Variants in CSPP1 observed in about 807,000 individuals in gnomAD.
CSPP1 encodes centrosome and spindle pole-associated protein 1.
Under a neutral mutation model 164.4 loss-of-function variants are expected in CSPP1, and 126 were observed. The ratio of observed to expected loss-of-function variants is 0.77; its 90% confidence interval spans 0.66 to 0.89. The LOEUF (loss-of-function observed/expected upper bound fraction) is 0.89. Ranked by LOEUF, CSPP1 falls within the 40% of genes least tolerant of loss-of-function variation. CSPP1 has a pLI of 0.00. For missense variants in CSPP1, 1,395 were observed against 1,449.8 expected, an observed-to-expected ratio of 0.96 and a Z score of 0.61; for synonymous variants, 472 against 476.7, an observed-to-expected ratio of 0.99 and a Z score of 0.13.
chr8:67,064,397 T>G lies in CSPP1; in HGVS notation c.-152T>G. 1 of 1,613,270 alleles carries G rather than the reference T, an allele frequency of 6.2e-7. No homozygotes were observed. Among genetic ancestry groups the G allele is most frequent in the Non-Finnish European group, 8.5e-7 (1 of 1,179,748 alleles). On this transcript the variant is annotated 5_prime_UTR_variant, in exon 1 of 31. Coordinates refer to ENST00000678616, the MANE Select transcript of CSPP1 (RefSeq NM_001382391.1). ...GGCGGAGCCCCGGCCCGGAGGTCTGTCATGCTGTTCCCGCTCCAGGTGGCC... is the reference window on the plus strand; with the variant it reads ...GGCGGAGCCCCGGCCCGGAGGTCTGGCATGCTGTTCCCGCTCCAGGTGGCC...
chr8:67,175,951 A>G (rs73693129), intron 26 of CSPP1, among the ~76,000 whole-genome samples: 12,655 of 152,278 alleles, frequency 0.083, 1,072 homozygotes, highest in African/African-American at 0.22. Flanking sequence ...GTACTGGCCT[A>G]TATCCAGGGG....
chr8:67,091,286 T>G (rs1811557850), intron 4 of CSPP1, among the ~76,000 whole-genome samples: 1 of 152,244 alleles, frequency 6.6e-6, no homozygotes, highest in Non-Finnish European at 1.5e-5. Flanking sequence ...ACTGCATTAC[T>G]TAAATGCTTA....
chr8:67,079,321 A>G (rs1808642545), intron 3 of CSPP1, among the ~76,000 whole-genome samples: 1 of 152,220 alleles, frequency 6.6e-6, no homozygotes, highest in Admixed American at 6.5e-5. Context: ...AATTTGCAAA[A>G]TTAACTTATA....
At chr8:67,066,759 A>G (rs542817399) in intron 1 of CSPP1, among the ~76,000 whole-genome samples, 48 of 151,896 alleles carry the variant, frequency 3.2e-4, no homozygotes, top group African/African-American at 1.1e-3. Context: ...ACACACATAT[A>G]TACACACATA....
chr8:67,193,652 A>AC, intron 30 of CSPP1, 50 bp downstream of exon 30: 1 of 1,528,554 alleles, frequency 6.5e-7, no homozygotes, highest in South Asian at 1.2e-5. Flanking sequence ...ATGAACTTTT[A>AC]AACTTTCTTA....
rs765074640 is a variant in CSPP1, at chr8:67,175,334, G to C, written c.3007G>C (p.Asp1003His). The change falls in exon 26 of 31, where the codon GAT becomes CAT. Residue 1003 changes from aspartate to histidine, a missense_variant. Physicochemically the swap from Asp to His is moderately conservative, Grantham distance 81. Coordinates refer to ENST00000678616, the MANE Select transcript of CSPP1 (RefSeq NM_001382391.1). The part of the protein sequence containing the change: ...TRVDLKFMYL[D>H]PPRDHHTLEI... ...AGTTGATCTGAAATTTATGTACCTG[G>C]ATCCTCCAAGAGATCATCACACCTT... The C allele has an allele frequency of 6.2e-7, 1 of 1,613,478 alleles. No individual in the cohort carries two copies. The highest frequency in any genetic ancestry group is 1.1e-5 in the South Asian group (1 of 91,058).
intron 28 of CSPP1, 97 bp downstream of exon 28, chr8:67,180,023 TAA>T (rs768421527): frequency 0.013 from 5,984 of 456,252 alleles, no homozygotes; most frequent in South Asian, 0.021. Context: ...TACAAGGTAG[TAA>T]AAAAAAAAAA....
rs187865770 is a variant in CSPP1, at chr8:67,172,632, A to G, written c.2968+77A>G. ...TTTAAATATCTATAAAGATCTTTGT[A>G]CCCTTTTTCTAAAGTGGAATTTTAT... is the stretch of plus-strand genomic sequence containing the variant. On this transcript the variant is annotated intron_variant, in intron 25 of 30. Coordinates refer to ENST00000678616, the MANE Select transcript of CSPP1 (RefSeq NM_001382391.1). 2.4e-6 allele frequency: 3 copies of G among 1,259,440 alleles called. No individual in the cohort carries two copies. The East Asian group carries it at 7.6e-5, about 32-fold the overall frequency. 78.0% of individuals were successfully genotyped at this position (1,259,440 alleles called of 1,614,324 possible).
At chr8:67,181,817 G>GT (rs1390966780) in intron 28 of CSPP1, among the ~76,000 whole-genome samples, 1 of 152,082 alleles carries the variant, frequency 6.6e-6, no homozygotes, top group Non-Finnish European at 1.5e-5. Flanking sequence ...ATATGAAACA[G>GT]TAATTCCCCA....
rs1043406036 is a variant in CSPP1, at chr8:67,085,919, G to A, written c.200-88G>A. ...CTACTCTTGGAATAAGCATAATTCT[G>A]TTCCTTCTTACTGTGCTTTGTTACA... On this transcript the variant is annotated intron_variant, in intron 3 of 30. Transcript: ENST00000678616. 1.6e-5 allele frequency: 11 copies of A among 704,966 alleles called. No individual in the cohort carries two copies. In the Admixed American group the frequency reaches 2.4e-4, roughly 15 times the overall value. The allele number at this position is 704,966 out of a possible 1,614,324, so 43.7% of individuals were successfully genotyped here. A position where few individuals can be genotyped will look rare whatever the true frequency, so the allele number is the denominator to read the frequency against.
Position 67,158,613 on chromosome 8 carries a change from T to G in CSPP1, c.2391+17T>G, listed in dbSNP as rs775986719. 10 of 1,561,194 alleles carry G rather than the reference T, an allele frequency of 6.4e-6. No homozygotes were observed. The African/African-American group carries it at 1.4e-4, about 22-fold the overall frequency. ...GAGGAGGAGGTACATCTTTTTTCCC[T>G]ATTGTATTTTACTACTTAGTCTGAA... On this transcript the variant is annotated intron_variant, in intron 20 of 30. Transcript: ENST00000678616.
At chr8:67,085,568 G>A (rs1810222318) in intron 3 of CSPP1, among the ~76,000 whole-genome samples, 2 of 152,066 alleles carry the variant, frequency 1.3e-5, no homozygotes, top group South Asian at 4.1e-4. Context: ...AAGTGAAGAT[G>A]TAAAGATAAT....
intron 24 of CSPP1, among the ~76,000 whole-genome samples, chr8:67,169,847 A>G (rs1295702993): frequency 1.3e-5 from 2 of 152,054 alleles, no homozygotes; most frequent in Non-Finnish European, 2.9e-5. Context: ...CTCCTGATTC[A>G]AGTGATTCTA....
chr8:67,145,145 TTTA>T (rs1824270211), intron 17 of CSPP1, among the ~76,000 whole-genome samples: 2 of 152,122 alleles, frequency 1.3e-5, no homozygotes, highest in African/African-American at 2.4e-5. Context: ...CTTCACTTTA[TTTA>T]ATAGATAAAG....
rs776930950 is a variant in CSPP1, at chr8:67,159,087, C to T, written c.2488C>T (p.Gln830Ter). The T allele has an allele frequency of 6.2e-7, 1 of 1,612,508 alleles. No homozygotes were observed. The highest frequency in any genetic ancestry group is 1.1e-5 in the South Asian group (1 of 90,582). Reference protein sequence around the residue: ...KKEEEEKYNLQLQHYCERDNL... With the variant: ...KKEEEEKYNL ...AGAAGAAGAAGAAAAATATAACCTG[C>T]AACTTCAGCACTACTGTGAAAGAGA... Residue 830 changes from glutamine (Q) to a stop codon, truncating the protein, a stop_gained, in exon 21 of 31, where the codon CAA becomes TAA. Transcript: ENST00000678616. LOFTEE classifies it high-confidence loss of function.
chr8:67,073,689 C>T (rs1418903473), intron 1 of CSPP1, among the ~76,000 whole-genome samples: 4 of 152,072 alleles, frequency 2.6e-5, no homozygotes, highest in Admixed American at 2.0e-4. Flanking sequence ...GACACACACA[C>T]TGAAGAGCTT....
intron 24 of CSPP1, among the ~76,000 whole-genome samples, chr8:67,167,688 C>T (rs1346947723): frequency 2.0e-5 from 3 of 151,846 alleles, no homozygotes; most frequent in Middle Eastern, 3.4e-3. Flanking sequence ...GCGCTCCTCA[C>T]ATCCCAGATG....
intron 7 of CSPP1, 25 bp from the exon 8 acceptor site, chr8:67,103,012 C>T: frequency 3.5e-6 from 5 of 1,413,300 alleles, no homozygotes; most frequent in Non-Finnish European, 5.0e-6. Context: ...GTGGCACATG[C>T]TTTATAAGCT....
chr8:67,180,919 C>T (rs1832856247), intron 28 of CSPP1, among the ~76,000 whole-genome samples: 1 of 151,938 alleles, frequency 6.6e-6, no homozygotes, highest in South Asian at 2.1e-4. Flanking sequence ...TTTCTGCTAT[C>T]CTAGGGCCAT....
Sources: allele counts gnomAD v4.1 joint callset (sites outside exome capture counted in the v4.1 genomes callset), GRCh38; gene constraint gnomAD v4.1.1; transcripts MANE v1.5; gene names NCBI Gene and HGNC (gene_info 2026-07-23, HGNC 2026-07-21).